Variants in PHACTR3 observed in about 807,000 individuals in gnomAD.
PHACTR3 encodes protein phosphatase 1, regulatory subunit 123.
Under a neutral mutation model 66.8 loss-of-function variants are expected in PHACTR3, and 16 were observed. The observed-to-expected ratio is 0.24, with a 90% CI of 0.16 to 0.36. The LOEUF is 0.36. Ranked by LOEUF, PHACTR3 falls within the 10% of genes least tolerant of loss-of-function variation. PHACTR3 has a pLI of 1.00. For missense variants in PHACTR3, 647 were observed against 719.9 expected, an observed-to-expected ratio of 0.90 and a Z score of 1.16; for synonymous variants, 323 against 292.1, an observed-to-expected ratio of 1.11 and a Z score of -1.08.
chr20:59,587,849 C>T (rs1299161466), intron 1 of PHACTR3, among the ~76,000 whole-genome samples: 1 of 152,216 alleles, frequency 6.6e-6, no homozygotes, highest in Non-Finnish European at 1.5e-5. Flanking sequence ...CCTTCAAGGC[C>T]AGCAAGGGTG....
At chr20:59,584,385 T>C (rs2032956682) in intron 1 of PHACTR3, among the ~76,000 whole-genome samples, 1 of 151,346 alleles carries the variant, frequency 6.6e-6, no homozygotes, top group Non-Finnish European at 1.5e-5. Flanking sequence ...GTGTGAGGGT[T>C]GAGGCTGTGC....
At chr20:59,629,803 G>A (rs993892191) in intron 1 of PHACTR3, among the ~76,000 whole-genome samples, 7 of 152,156 alleles carry the variant, frequency 4.6e-5, no homozygotes, top group Non-Finnish European at 8.8e-5. Context: ...AATGAGTGTC[G>A]TGCTTGTCAA....
At chr20:59,819,779 A>C in intron 8 of PHACTR3, among the ~76,000 whole-genome samples, 1 of 151,526 alleles carries the variant, frequency 6.6e-6, no homozygotes, top group South Asian at 2.1e-4. Context: ...GCCACCCGTC[A>C]GCTGAGGCAC....
chr20:59,747,034 A>C (rs2039397196), intron 2 of PHACTR3, among the ~76,000 whole-genome samples: 2 of 152,214 alleles, frequency 1.3e-5, no homozygotes, highest in Non-Finnish European at 2.9e-5. Flanking sequence ...GACGGAAGGA[A>C]GAAGATGATT....
At chr20:59,694,899 C>T (rs904602491) in intron 1 of PHACTR3, among the ~76,000 whole-genome samples, 7 of 152,182 alleles carry the variant, frequency 4.6e-5, no homozygotes, top group East Asian at 1.9e-4. Flanking sequence ...CAATGATTGC[C>T]GGGTGCTATG....
At chr20:59,740,105 C>T (rs2039096921) in intron 1 of PHACTR3, among the ~76,000 whole-genome samples, 1 of 152,100 alleles carries the variant, frequency 6.6e-6, no homozygotes, top group Non-Finnish European at 1.5e-5. Context: ...GCGTTTACTC[C>T]ATCATCATTA....
rs373213719 is a variant in PHACTR3, at chr20:59,591,741, G to A, written c.109+14124G>A. ...CCATGGCCTTGGGAAAACTGTGAAT[G>A]TTAAAGGGCCAAGAGTGTCACCGCA... On this transcript the variant is annotated intron_variant, in intron 1 of 12. Transcript: ENST00000359926. Among the ~76,000 whole-genome samples, 27 of 152,302 alleles carry A rather than the reference G, an allele frequency of 1.8e-4. No individual in the cohort carries two copies. The South Asian group carries it at 5.0e-3, about 28-fold the overall frequency.
chr20:59,689,625 G>T (rs1053131774), intron 1 of PHACTR3, among the ~76,000 whole-genome samples: 12 of 152,134 alleles, frequency 7.9e-5, no homozygotes, highest in African/African-American at 2.9e-4. Flanking sequence ...TGAACCCCCT[G>T]CAATAGTCCA....
chr20:59,756,779 C>A (rs889119530), intron 4 of PHACTR3, among the ~76,000 whole-genome samples: 2 of 152,012 alleles, frequency 1.3e-5, no homozygotes, highest in African/African-American at 2.4e-5. Flanking sequence ...CCCATTAACT[C>A]GTCATTTACA....
At chr20:59,781,120 G>T (rs2040710139) in intron 7 of PHACTR3, among the ~76,000 whole-genome samples, 1 of 152,208 alleles carries the variant, frequency 6.6e-6, no homozygotes, top group Non-Finnish European at 1.5e-5. Context: ...CAATTCATCA[G>T]TGAGAGTGTT....
chr20:59,674,406 T>C (rs535610281), intron 1 of PHACTR3, among the ~76,000 whole-genome samples: 42 of 148,366 alleles, frequency 2.8e-4, no homozygotes, highest in African/African-American at 1.0e-3. Flanking sequence ...CTCCTTCTCC[T>C]GTTCCTTCCC....
chr20:59,731,101 C>G (rs1253530778), intron 1 of PHACTR3, among the ~76,000 whole-genome samples: 1 of 152,132 alleles, frequency 6.6e-6, no homozygotes, highest in Non-Finnish European at 1.5e-5. Context: ...ATATAAGAAA[C>G]TCACCTTATG....
intron 8 of PHACTR3, among the ~76,000 whole-genome samples, chr20:59,822,064 C>G (rs1276747737): frequency 4.4e-5 from 4 of 91,428 alleles, no homozygotes. Flanking sequence ...CCCAGCGATC[C>G]GCCCCGCAAC....
intron 2 of PHACTR3, among the ~76,000 whole-genome samples, chr20:59,744,053 C>T (rs1418615849): frequency 6.6e-6 from 1 of 152,182 alleles, no homozygotes; most frequent in Non-Finnish European, 1.5e-5. Flanking sequence ...ACAGGGTGGA[C>T]ACAGGCAGTG....
Position 59,836,543 on chromosome 20 carries a change from G to A in PHACTR3, c.1367G>A (p.Arg456Lys), listed in dbSNP as rs1233650933. ...AGACCTGCCGTGGAAGAGCTGGAGA[G>A]AAGAAATATCTTGAAACGTGAGTAG... ...SQRPAVEELE[R>K]RNILKQRNDQ... Residue 456 changes from arginine (R) to lysine (K), a missense_variant, in exon 9 of 13, where the codon AGA (arginine) becomes AAA (lysine). By Grantham distance (26) the Arg-to-Lys change is conservative. This residue lies in a region of PHACTR3 where 70 missense variants were observed against 148.8 expected (regional missense o/e 0.47). Transcript: ENST00000371015. 6.2e-7 allele frequency: 1 copy of A among 1,611,744 alleles called. No homozygotes were observed. Among genetic ancestry groups the A allele is most frequent in the Non-Finnish European group, 8.5e-7 (1 of 1,179,204 alleles).
chr20:59,585,977 G>T (rs548319202), intron 1 of PHACTR3, among the ~76,000 whole-genome samples: 18 of 152,312 alleles, frequency 1.2e-4, no homozygotes, highest in African/African-American at 4.1e-4. Context: ...TTTTTAGACC[G>T]TCTTGAATGA....
rs752492335 is a variant in PHACTR3 at position 59,635,147 on chromosome 20, CTTTT to C, written c.118+30017_118+30020del. Among the ~76,000 whole-genome samples the C allele has an allele frequency of 3.7e-4, 9 of 24,252 alleles. 1 individual carries two copies. Among genetic ancestry groups the C allele is most frequent in the African/African-American group, 1.0e-3 (7 of 6,760 alleles). The allele number at this position is 24,252 out of a possible 152,430, so 15.9% of individuals were successfully genotyped here. On this transcript the variant is annotated intron_variant, in intron 1 of 12. Coordinates refer to ENST00000371015, the MANE Select transcript of PHACTR3 (RefSeq NM_080672.5). ...TCTTTCTTTCTTTCTTTCTTTCTTT[CTTTT>C]TCTTTCTTTCTTTCTTTCCTTTCTT...
At chr20:59,626,402 G>C (rs575350857) in intron 1 of PHACTR3, 1 of 152,604 alleles carries the variant, frequency 6.6e-6, no homozygotes, top group Admixed American at 6.5e-5. Context: ...GAGCCCAACT[G>C]TCTGTGATAG....
chr20:59,757,612 CG>C (rs1462300430), intron 4 of PHACTR3, among the ~76,000 whole-genome samples: 2 of 152,160 alleles, frequency 1.3e-5, no homozygotes, highest in African/African-American at 4.8e-5. Context: ...AAAGCAGCGT[CG>C]GTGGTGAAAG....
Sources: allele counts gnomAD v4.1 joint callset (sites outside exome capture counted in the v4.1 genomes callset), GRCh38; gene constraint gnomAD v4.1.1; regional missense constraint gnomAD v4.1.1; transcripts MANE v1.5; gene names NCBI Gene and HGNC (gene_info 2026-07-23, HGNC 2026-07-21).